The following BYSL variants were observed in gnomAD, a reference collection of about 807,000 sequenced individuals.
BYSL encodes bystin like, also known as bystin.
In BYSL, 21 loss-of-function variants were observed where a neutral mutation model predicts 45.4. That is an observed-to-expected ratio of 0.46 (90% CI 0.33 to 0.67). The LOEUF is 0.67. BYSL is among the 30% of genes least tolerant of loss of function. BYSL has a pLI of 0.02. For missense variants in BYSL, 522 were observed against 578.5 expected (o/e 0.90, Z 1.00); for synonymous variants, 215 against 231.3 (o/e 0.93, Z 0.64).
intron 3 of BYSL, 142 bp downstream of exon 3, chr6:41,930,412 G>A: frequency 1.6e-6 from 2 of 1,289,560 alleles, no homozygotes; most frequent in South Asian, 3.1e-5. Context: ...AGAGTGTGTG[G>A]GTTCAGATTC....
chr6:41,924,178 A>G (rs1775531491), intron 1 of BYSL, among the ~76,000 whole-genome samples: 2 of 150,590 alleles, frequency 1.3e-5, no homozygotes, highest in Non-Finnish European at 3.0e-5. Context: ...CTCCTGCCTC[A>G]GCCTCCCAAG....
chr6:41,931,894 C>T lies in BYSL; in HGVS notation c.968+64C>T, dbSNP rs1775646798. ...TATCCAGATAGTGGAATTGCCAGGA[C>T]TTGGGAATGGGCAGAGTGGAGAAGG... On this transcript the variant is annotated intron_variant, in intron 6 of 6. Transcript: ENST00000230340. 10 of 1,477,062 alleles carry T rather than the reference C, an allele frequency of 6.8e-6. No individual in the cohort carries two copies. The South Asian group carries it at 9.1e-5, about 13-fold the overall frequency. The allele number at this position is 1,477,062 out of a possible 1,614,324, so 91.5% of individuals were successfully genotyped here. A position where few individuals can be genotyped will look rare whatever the true frequency, so the allele number is the denominator to read the frequency against.
At chr6:41,922,332 A>T (rs1329060686) in intron 1 of BYSL, among the ~76,000 whole-genome samples, 1 of 152,242 alleles carries the variant, frequency 6.6e-6, no homozygotes, top group African/African-American at 2.4e-5. Flanking sequence ...TTAAGCTGAG[A>T]ACTGAAAAAC....
rs1010680531 is a variant in BYSL, at chr6:41,927,101, A to C, written c.269-273A>C. ...AGAGCAAGACTCCATTTCAAAAAAA[A>C]AAAAAAAAGTTCCTTCTACATAACT... is the stretch of plus-strand genomic sequence containing the variant. On this transcript the variant is annotated intron_variant, in intron 1 of 6. Transcript: ENST00000230340. 4.6e-5 allele frequency among the ~76,000 whole-genome samples: 7 copies of C among 152,146 alleles called. No individual in the cohort carries two copies. In the South Asian group the frequency reaches 1.0e-3, roughly 23 times the overall value.
chr6:41,917,670 G>A (rs1775350164), upstream of BYSL: 1 of 433,554 alleles, frequency 2.3e-6, no homozygotes, highest in Non-Finnish European at 4.9e-6. Context: ...AAAGATTCTA[G>A]ATGACACACG....
At chr6:41,931,037 G>A (rs1370781811) in intron 4 of BYSL, among the ~76,000 whole-genome samples, 1 of 117,382 alleles carries the variant, frequency 8.5e-6, no homozygotes, top group Non-Finnish European at 1.8e-5. Flanking sequence ...TGAATTTCTA[G>A]GGGAGAGGCT....
chr6:41,923,649 G>A (rs1393787518), intron 1 of BYSL, among the ~76,000 whole-genome samples: 2 of 151,740 alleles, frequency 1.3e-5, no homozygotes, highest in African/African-American at 4.8e-5. Context: ...GCCCAGTTTG[G>A]TCTCAAACTC....
At chr6:41,930,860 T>G (rs1210309100) in intron 4 of BYSL, 92 bp downstream of exon 4, 34 of 1,470,388 alleles carry the variant, frequency 2.3e-5, no homozygotes, top group Non-Finnish European at 2.6e-5. Context: ...CCCCAGGGCA[T>G]TTGAGCTTTG....
At chr6:41,916,878 G>A (rs148167617), upstream of BYSL, 61 of 1,613,886 alleles carry the variant, frequency 3.8e-5, no homozygotes, top group Middle Eastern at 3.3e-4. Context: ...TCCAATTTCC[G>A]GGTAAGGAGC....
At chr6:41,921,405 G>A, upstream of BYSL, 1 of 1,037,544 alleles carries the variant, frequency 9.6e-7, no homozygotes, top group Non-Finnish European at 1.4e-6. Flanking sequence ...CTCTTTTAGT[G>A]GGAGGGGCGG....
At chr6:41,928,901 C>T (rs954402626) in intron 2 of BYSL, among the ~76,000 whole-genome samples, 19 of 152,126 alleles carry the variant, frequency 1.2e-4, no homozygotes, top group African/African-American at 4.1e-4. Flanking sequence ...CAGTGCCTGG[C>T]ATTGAGTAGG....
chr6:41,926,402 A>G (rs1274284466), intron 1 of BYSL, among the ~76,000 whole-genome samples: 2 of 151,738 alleles, frequency 1.3e-5, no homozygotes, highest in African/African-American at 4.8e-5. Context: ...ATTCTTATTT[A>G]TTTATTTATT....
At chr6:41,925,703 A>G (rs1477738403) in intron 1 of BYSL, among the ~76,000 whole-genome samples, 1 of 142,984 alleles carries the variant, frequency 7.0e-6, no homozygotes, top group African/African-American at 2.6e-5. Flanking sequence ...TTTTTGAGAC[A>G]GAGTTTTGCT....
In BYSL at chr6:41,932,641, A is replaced by G. The variant is rs1235725516; in HGVS notation, c.1249A>G (p.Ile417Val). ...LQPHPQLSPE[I>V]RRELQSAVPR... ...GCCCCATCCACAGCTATCGCCCGAA[A>G]TCAGGCGTGAGCTTCAGAGTGCAGT... is the stretch of plus-strand genomic sequence containing the variant. Residue 417 changes from isoleucine to valine, a missense_variant, in exon 7 of 7, where the codon ATC becomes GTC. Transcript: ENST00000230340. The surrounding 1 kb of genome is among the most constrained non-coding windows in gnomAD (Gnocchi z 4.7). The G allele has an allele frequency of 6.2e-7, 1 of 1,614,220 alleles. No homozygotes were observed. Among genetic ancestry groups the G allele is most frequent in the African/African-American group, 1.3e-5 (1 of 75,064 alleles).
intron 1 of BYSL, among the ~76,000 whole-genome samples, 194 bp from the exon 2 acceptor site, chr6:41,927,180 G>A (rs1478857463): frequency 6.6e-6 from 1 of 151,818 alleles, no homozygotes; most frequent in Non-Finnish European, 1.5e-5. Context: ...ATTGTTTCCT[G>A]TATATACATT....
chr6:41,928,170 T>C (rs939067445), intron 2 of BYSL, among the ~76,000 whole-genome samples: 28 of 152,192 alleles, frequency 1.8e-4, no homozygotes, highest in African/African-American at 6.8e-4. Context: ...CATGCAGGCA[T>C]TTAGACTGCC....
upstream of BYSL, chr6:41,921,183 G>T: frequency 3.5e-6 from 3 of 864,906 alleles, no homozygotes; most frequent in Non-Finnish European, 1.7e-6. Flanking sequence ...AAGGAATGGG[G>T]CGTGTCTCGG....
At chr6:41,920,020 C>A (rs1210178212), upstream of BYSL, among the ~76,000 whole-genome samples, 2 of 152,164 alleles carry the variant, frequency 1.3e-5, no homozygotes, top group African/African-American at 4.8e-5. Context: ...ATTTCTCCCA[C>A]GGGAAAAATG....
At chr6:41,930,049 G>GT (rs1389653053) in intron 2 of BYSL, 83 bp from the exon 3 acceptor site, 9 of 1,553,840 alleles carry the variant, frequency 5.8e-6, no homozygotes, top group Non-Finnish European at 7.9e-6. Context: ...ACAGGGGACT[G>GT]TGGGGAGTCT....
Sources: gnomAD v4.1 joint callset for allele counts (sites outside exome capture counted in the v4.1 genomes callset) on GRCh38, gnomAD v4.1.1 for gene constraint, Gnocchi (gnomAD v3.1) non-coding constraint, MANE v1.5 for transcripts, NCBI Gene and HGNC (gene_info 2026-07-23, HGNC 2026-07-21) for gene names.